Variants in UNC5C observed in about 807,000 individuals in gnomAD.
The protein encoded by UNC5C is unc-5 netrin receptor C.
In UNC5C, 47 loss-of-function variants were observed where a neutral mutation model predicts 99.8. That is an observed-to-expected ratio of 0.47 (90% CI 0.37 to 0.60). The LOEUF (loss-of-function observed/expected upper bound fraction) is 0.60. Ranked by LOEUF, UNC5C falls within the 20% of genes least tolerant of loss-of-function variation. The pLI is 0.00. For missense variants in UNC5C, 1,062 were observed against 1,165.9 expected, an observed-to-expected ratio of 0.91 and a Z score of 1.30; for synonymous variants, 487 against 452.2, an observed-to-expected ratio of 1.08 and a Z score of -0.98.
intron 1 of UNC5C, among the ~76,000 whole-genome samples, chr4:95,354,147 A>G (rs1276883434): frequency 6.6e-6 from 1 of 151,938 alleles, no homozygotes; most frequent in Non-Finnish European, 1.5e-5. Flanking sequence ...TTCCACTATT[A>G]TCATCATTTT....
At chr4:95,231,211 G>A (rs1279668302) in intron 7 of UNC5C, among the ~76,000 whole-genome samples, 1 of 152,106 alleles carries the variant, frequency 6.6e-6, no homozygotes, top group Non-Finnish European at 1.5e-5. Context: ...GATAGGTAGA[G>A]TTTTAGGAGG....
At chr4:95,305,847 C>A (rs1227675415) in intron 2 of UNC5C, among the ~76,000 whole-genome samples, 3 of 152,090 alleles carry the variant, frequency 2.0e-5, no homozygotes, top group African/African-American at 4.8e-5. Context: ...TCAAATGCAA[C>A]CCTCTGATTG....
At chr4:95,395,600 A>G (rs933685250) in intron 1 of UNC5C, among the ~76,000 whole-genome samples, 6 of 152,180 alleles carry the variant, frequency 3.9e-5, no homozygotes, top group African/African-American at 1.4e-4. Context: ...TGCTCTAATG[A>G]AAATAAAGTT....
intron 1 of UNC5C, among the ~76,000 whole-genome samples, chr4:95,493,448 C>G (rs993867703): frequency 8.6e-5 from 13 of 151,346 alleles, no homozygotes; most frequent in African/African-American, 3.1e-4. Context: ...ATTGTGTACA[C>G]TCTATTTTTA....
At chr4:95,263,279 C>T (rs1294129024) in intron 4 of UNC5C, among the ~76,000 whole-genome samples, 1 of 152,042 alleles carries the variant, frequency 6.6e-6, no homozygotes, top group East Asian at 1.9e-4. Context: ...CATCTTTTCC[C>T]ACTATTTAAT....
intron 1 of UNC5C, among the ~76,000 whole-genome samples, chr4:95,536,993 G>A (rs188282123): frequency 6.6e-6 from 1 of 152,280 alleles, no homozygotes; most frequent in African/African-American, 2.4e-5. Flanking sequence ...ATTTTATTAA[G>A]AAATGCATGT....
intron 2 of UNC5C, among the ~76,000 whole-genome samples, chr4:95,313,619 A>G (rs1280756944): frequency 6.6e-6 from 1 of 152,162 alleles, no homozygotes; most frequent in African/African-American, 2.4e-5. Flanking sequence ...TGATTTGAAA[A>G]CAAGCATTAA....
At chr4:95,196,336 A>T (rs1157783151) in intron 12 of UNC5C, among the ~76,000 whole-genome samples, 1 of 152,198 alleles carries the variant, frequency 6.6e-6, no homozygotes, top group African/African-American at 2.4e-5. Context: ...CTCTATTTGA[A>T]TTGATTCCAA....
At chr4:95,424,583 G>A (rs182266274) in intron 1 of UNC5C, among the ~76,000 whole-genome samples, 63 of 137,978 alleles carry the variant, frequency 4.6e-4, no homozygotes, top group Non-Finnish European at 7.8e-4. Context: ...GTGCAGTGGC[G>A]CAATCTCGGC....
Position 95,301,599 on chromosome 4 carries a change from G to A in UNC5C, c.490+7C>T. Reference sequence around the variant, plus strand: ...AGACCCAAGGTGCTTATTGTACAATGACTCACATGCAATGCGCACATACGC... The same window carrying A: ...AGACCCAAGGTGCTTATTGTACAATAACTCACATGCAATGCGCACATACGC... On this transcript the variant is annotated splice_region_variant and intron_variant, in intron 3 of 15. Coordinates refer to ENST00000453304, the MANE Select transcript of UNC5C (RefSeq NM_003728.4). The A allele has an allele frequency of 1.2e-6, 2 of 1,613,874 alleles. No homozygotes were observed.
intron 3 of UNC5C, among the ~76,000 whole-genome samples, chr4:95,292,867 C>T (rs1419851405): frequency 7.2e-5 from 11 of 152,118 alleles, no homozygotes; most frequent in African/African-American, 1.7e-4. Context: ...AGGCAAGGGA[C>T]GTCTTCTAGG....
chr4:95,471,882 A>G (rs1296935050), intron 1 of UNC5C, among the ~76,000 whole-genome samples: 1 of 152,062 alleles, frequency 6.6e-6, no homozygotes, highest in African/African-American at 2.4e-5. Flanking sequence ...AAATAGCCTT[A>G]AAACATAGAG....
At chr4:95,308,546 A>T (rs1018015325) in intron 2 of UNC5C, among the ~76,000 whole-genome samples, 1 of 151,910 alleles carries the variant, frequency 6.6e-6, no homozygotes, top group Non-Finnish European at 1.5e-5. Flanking sequence ...TGAGGTCAGG[A>T]GTTTGAAACC....
At chr4:95,528,636 T>C (rs908996471) in intron 1 of UNC5C, among the ~76,000 whole-genome samples, 2 of 152,086 alleles carry the variant, frequency 1.3e-5, no homozygotes, top group Admixed American at 1.3e-4. Flanking sequence ...ACAGCTAAAT[T>C]TGGATTGGAG....
intron 2 of UNC5C, among the ~76,000 whole-genome samples, chr4:95,310,234 A>G (rs950734366): frequency 6.6e-6 from 1 of 152,182 alleles, no homozygotes; most frequent in Non-Finnish European, 1.5e-5. Context: ...GATTCTAAAA[A>G]AGGTGAAACC....
chr4:95,400,679 C>T (rs1030661613), intron 1 of UNC5C, among the ~76,000 whole-genome samples: 12 of 152,170 alleles, frequency 7.9e-5, no homozygotes, highest in African/African-American at 2.9e-4. Flanking sequence ...GCGTGAGCCA[C>T]CGCGCCCGGC....
chr4:95,343,576 A>C (rs2149425171), intron 1 of UNC5C, among the ~76,000 whole-genome samples: 1 of 152,248 alleles, frequency 6.6e-6, no homozygotes, highest in African/African-American at 2.4e-5. Flanking sequence ...AAACATGACC[A>C]TGCCGAGAAA....
At chr4:95,310,663 T>C (rs915419161) in intron 2 of UNC5C, among the ~76,000 whole-genome samples, 6 of 152,128 alleles carry the variant, frequency 3.9e-5, no homozygotes, top group Non-Finnish European at 1.5e-5. Flanking sequence ...TTCTAGGTCA[T>C]TGACTCAATT....
At chr4:95,465,996 C>G (rs888984681) in intron 1 of UNC5C, among the ~76,000 whole-genome samples, 3 of 152,146 alleles carry the variant, frequency 2.0e-5, no homozygotes, top group African/African-American at 7.2e-5. Context: ...TCAAGTAAAC[C>G]TGGTCATTCT....
Sources: gnomAD v4.1 joint callset for allele counts (sites outside exome capture counted in the v4.1 genomes callset) on GRCh38, gnomAD v4.1.1 for gene constraint, MANE v1.5 for transcripts, NCBI Gene and HGNC (gene_info 2026-07-23, HGNC 2026-07-21) for gene names.